MLH3: variants seen among roughly 807,000 people sequenced by gnomAD.
MLH3 encodes the protein DNA mismatch repair protein Mlh3.
MLH3 carries 82 observed loss-of-function variants against 122.2 expected under a neutral mutation model. The ratio of observed to expected loss-of-function variants is 0.67; its 90% CI spans 0.56 to 0.81. The LOEUF is 0.81. Among genes scored for constraint, MLH3 ranks in the 30% least tolerant of loss-of-function variants. MLH3 has a pLI of 0.00. For missense variants in MLH3, 1,539 were observed against 1,714.5 expected (o/e 0.90, Z 1.81); for synonymous variants, 524 against 599.5 (o/e 0.87, Z 1.84).
chr14:75,018,705 G>T, intron 12 of MLH3, 124 bp downstream of exon 12: 1 of 1,077,218 alleles, frequency 9.3e-7, no homozygotes, highest in Non-Finnish European at 1.4e-6. Flanking sequence ...AACTTCCAGT[G>T]CAGATTTTGC....
At chr14:75,024,501 G>A (rs188109458) in intron 9 of MLH3, among the ~76,000 whole-genome samples, 284 of 149,208 alleles carry the variant, frequency 1.9e-3, no homozygotes, top group Non-Finnish European at 3.2e-3. Context: ...GCACCTGGCC[G>A]TATTTATTTA....
At chr14:75,034,899 C>G (rs1316618348) in intron 6 of MLH3, among the ~76,000 whole-genome samples, 1 of 151,602 alleles carries the variant, frequency 6.6e-6, no homozygotes, top group Non-Finnish European at 1.5e-5. Context: ...CCTGTCTCTA[C>G]TAAAAATACA....
Position 75,048,648 on chromosome 14 carries a change from GA to G in MLH3, c.1007del (p.Leu336ProfsTer9). 6.2e-7 allele frequency: 1 copy of G among 1,614,116 alleles called. No homozygotes were observed. Among genetic ancestry groups the G allele is most frequent in the Non-Finnish European group, 8.5e-7 (1 of 1,180,010 alleles). On this transcript the variant is annotated frameshift_variant, in exon 2 of 13. Coordinates refer to ENST00000355774, the MANE Select transcript of MLH3 (RefSeq NM_001040108.2). LOFTEE classifies it high-confidence loss of function. ...TCACTCCTTCCTGAATGCAAAACAA[GA>G]GAGTGTCCCAGTTCTGAAATTCAAT... Reference protein sequence around the residue: ...TLIEFQNWDTLLFCIQEGVKM... With the variant: ...TLIEFQNWDTXLFCIQEGVKM...
At chr14:75,018,803 C>T in intron 12 of MLH3, 26 bp downstream of exon 12, 1 of 1,613,262 alleles carries the variant, frequency 6.2e-7, no homozygotes, top group Non-Finnish European at 8.5e-7. Flanking sequence ...TTTGCTCCCT[C>T]CTGCTCCTGT....
chr14:75,032,285 T>C, intron 7 of MLH3, 106 bp from the exon 8 acceptor site: 1 of 755,036 alleles, frequency 1.3e-6, no homozygotes, highest in Admixed American at 1.9e-5. Flanking sequence ...CAAAGCAGAA[T>C]GTTTAATGTT....
chr14:75,048,620 T>C lies in MLH3; in HGVS notation c.1036A>G (p.Met346Val). 6.2e-7 allele frequency: 1 copy of C among 1,614,140 alleles called. No homozygotes were observed. Among genetic ancestry groups the C allele is most frequent in the Non-Finnish European group, 8.5e-7 (1 of 1,180,030 alleles). ...AATAATTTTTCTTGCTTTAAAAACA[T>C]TTTCACTCCTTCCTGAATGCAAAAC... Reference protein sequence around the residue: ...LLFCIQEGVKMFLKQEKLFVE... With the variant: ...LLFCIQEGVKVFLKQEKLFVE... Residue 346 changes from methionine (M) to valine (V), a missense_variant, in exon 2 of 13, where the codon ATG becomes GTG. Met to Val is a conservative substitution (Grantham distance 21, BLOSUM62 1). Transcript: ENST00000355774.
rs1892484159 is a variant in MLH3, at chr14:75,049,132, A to T, written c.524T>A (p.Ile175Lys). Reference protein sequence around the residue: ...RLEFEKVRQRIEALSLMHPSI... With the variant: ...RLEFEKVRQRKEALSLMHPSI... ...AGGGTGCATGAGTGAGAGAGCTTCTATTCTCTGCCTAACCTTCTCAAACTC... is the reference window on the plus strand; with the variant it reads ...AGGGTGCATGAGTGAGAGAGCTTCTTTTCTCTGCCTAACCTTCTCAAACTC... Residue 175 changes from isoleucine (I) to lysine (K), a missense_variant, in exon 2 of 13, where the codon ATA (isoleucine) becomes AAA (lysine). Transcript: ENST00000355774. The T allele has an allele frequency of 1.2e-6, 2 of 1,614,184 alleles. No individual in the cohort carries two copies. Among genetic ancestry groups the T allele is most frequent in the Non-Finnish European group, 1.7e-6 (2 of 1,180,014 alleles).
At chr14:75,036,408 C>T (rs922291273) in intron 6 of MLH3, among the ~76,000 whole-genome samples, 5 of 151,362 alleles carry the variant, frequency 3.3e-5, no homozygotes, top group Admixed American at 6.6e-5. Context: ...TGCAGTGGTG[C>T]GATCTTGGCG....
At position 75,048,205 on chromosome 14, in the gene MLH3, T is replaced by C. The variant is rs1445274299; in HGVS notation, c.1451A>G (p.Asn484Ser). The C allele has an allele frequency of 6.2e-7, 1 of 1,613,694 alleles. No homozygotes were observed. The highest frequency in any genetic ancestry group is 1.1e-5 in the South Asian group (1 of 90,996). Residue 484 changes from asparagine (N) to serine (S), a missense_variant, in exon 2 of 13, where the codon AAT becomes AGT. Coordinates refer to ENST00000355774, the MANE Select transcript of MLH3 (RefSeq NM_001040108.2). The part of the protein sequence containing the change: ...ETIVASEAGE[N>S]EKHKKSFLEH... Reference sequence around the variant, plus strand: ...CAGGAAAGATTTTTTATGTTTCTCATTTTCTCCAGCTTCTGATGCTACAAT... The same window carrying C: ...CAGGAAAGATTTTTTATGTTTCTCACTTTCTCCAGCTTCTGATGCTACAAT...
intron 2 of MLH3, among the ~76,000 whole-genome samples, chr14:75,045,998 G>C (rs1892182902): frequency 6.6e-6 from 1 of 152,018 alleles, no homozygotes; most frequent in Non-Finnish European, 1.5e-5. Context: ...GGCCAACATA[G>C]TGAAATCCTG....
chr14:75,033,592 C>T, intron 6 of MLH3, 102 bp from the exon 7 acceptor site: 1 of 836,482 alleles, frequency 1.2e-6, no homozygotes, highest in Non-Finnish European at 2.1e-6. Flanking sequence ...CTAACAACAG[C>T]ATAAGACAAA....
chr14:75,029,582 CTGGAGT>C (rs1890899656), intron 9 of MLH3, among the ~76,000 whole-genome samples: 3 of 151,792 alleles, frequency 2.0e-5, no homozygotes, highest in African/African-American at 7.3e-5. Context: ...GTTGCCCAGG[CTGGAGT>C]ACAATGGTGC....
At chr14:75,031,839 T>C (rs1001965884) in intron 8 of MLH3, among the ~76,000 whole-genome samples, 3 of 152,048 alleles carry the variant, frequency 2.0e-5, no homozygotes, top group African/African-American at 7.2e-5. Flanking sequence ...TAATGGATGA[T>C]TGGATGCAGA....
chr14:75,040,877 T>G (rs1891807318), intron 4 of MLH3, among the ~76,000 whole-genome samples: 1 of 152,146 alleles, frequency 6.6e-6, no homozygotes, highest in South Asian at 2.1e-4. Context: ...TTATACATGT[T>G]TAATCCAAAA....
chr14:75,023,271 C>T (rs1399020573), intron 9 of MLH3, among the ~76,000 whole-genome samples: 3 of 152,206 alleles, frequency 2.0e-5, no homozygotes, highest in Non-Finnish European at 2.9e-5. Flanking sequence ...GATAGCTTCT[C>T]AACTAATGAG....
At chr14:75,030,756 C>T (rs1006371576) in intron 8 of MLH3, 54 bp from the exon 9 acceptor site, 14 of 1,466,630 alleles carry the variant, frequency 9.5e-6, no homozygotes, top group South Asian at 3.4e-5. Flanking sequence ...TTCATTTGCA[C>T]TTCACTACTG....
chr14:75,023,610 C>T (rs1890434622), intron 9 of MLH3, among the ~76,000 whole-genome samples: 1 of 152,098 alleles, frequency 6.6e-6, no homozygotes. Context: ...CTGGGGTAAC[C>T]TTTTCAATAG....
At chr14:75,043,193 CA>C (rs948378954) in intron 2 of MLH3, among the ~76,000 whole-genome samples, 4 of 152,158 alleles carry the variant, frequency 2.6e-5, no homozygotes, top group Non-Finnish European at 4.4e-5. Context: ...AACCTTACAA[CA>C]AAAAATTACC....
intron 2 of MLH3, among the ~76,000 whole-genome samples, chr14:75,044,705 A>G (rs141394742): frequency 2.0e-4 from 31 of 152,366 alleles, no homozygotes; most frequent in Admixed American, 1.8e-3. Context: ...AAGGAAAAAC[A>G]GAAAAACACT....
Sources: allele counts gnomAD v4.1 joint callset (sites outside exome capture counted in the v4.1 genomes callset), GRCh38; gene constraint gnomAD v4.1.1; transcripts MANE v1.5; gene names NCBI Gene and HGNC (gene_info 2026-07-23, HGNC 2026-07-21).